The following NXPE3 variants were observed in gnomAD, a reference collection of about 807,000 sequenced individuals.
NXPE3 encodes the protein neurexophilin and PC-esterase domain family member 3.
In NXPE3, 26 loss-of-function variants were observed where a neutral mutation model predicts 46.1. The observed-to-expected ratio is 0.56, with a 90% CI of 0.41 to 0.78. The LOEUF (loss-of-function observed/expected upper bound fraction) is 0.78, where lower values mean the gene tolerates loss of function less well. Among genes scored for constraint, NXPE3 ranks in the 30% least tolerant of loss-of-function variants. The pLI, the probability that NXPE3 is intolerant of heterozygous loss-of-function variation, is 0.00. For missense variants in NXPE3, 620 were observed against 686.0 expected (o/e 0.90, Z 1.07); for synonymous variants, 272 against 257.9 (o/e 1.05, Z -0.52).
intron 4 of NXPE3, among the ~76,000 whole-genome samples, chr3:101,785,938 AAGT>A (rs1341555128): frequency 1.3e-5 from 2 of 152,212 alleles, no homozygotes; most frequent in Non-Finnish European, 1.5e-5. Flanking sequence ...CATGGAAGAA[AAGT>A]AGTAGTAATC....
intron 4 of NXPE3, among the ~76,000 whole-genome samples, chr3:101,794,609 T>C (rs1576742212): frequency 6.6e-6 from 1 of 152,186 alleles, no homozygotes; most frequent in East Asian, 1.9e-4. Context: ...ACTTACTGCA[T>C]TGGTTTTGTG....
intron 4 of NXPE3, among the ~76,000 whole-genome samples, chr3:101,792,504 G>A (rs886286961): frequency 2.0e-5 from 3 of 152,090 alleles, no homozygotes; most frequent in Admixed American, 1.3e-4. Context: ...TTCCAGCACC[G>A]TTTATTGAAT....
At chr3:101,795,934 G>A (rs752209018) in intron 4 of NXPE3, among the ~76,000 whole-genome samples, 1 of 152,158 alleles carries the variant, frequency 6.6e-6, no homozygotes, top group African/African-American at 2.4e-5. Context: ...TTGCTTTCTT[G>A]TACATGCCCA....
Position 101,785,651 on chromosome 3 carries a change from ATGG to A in NXPE3, c.64_66del (p.Val22del). ...TTTCTGCTGTCTGCTTGCAGTGTTG[ATGG>A]TGGTGGTGCTGGTCATCAATGTTAC... is the stretch of plus-strand genomic sequence containing the variant. On this transcript the variant is annotated inframe_deletion, in exon 4 of 8. Transcript: ENST00000273347. 6.2e-7 allele frequency: 1 copy of A among 1,613,876 alleles called. No individual in the cohort carries two copies. Among genetic ancestry groups the A allele is most frequent in the Non-Finnish European group, 8.5e-7 (1 of 1,179,940 alleles).
chr3:101,802,020 G>A, intron 5 of NXPE3, 31 bp downstream of exon 5: 1 of 1,555,688 alleles, frequency 6.4e-7, no homozygotes, highest in Non-Finnish European at 8.6e-7. Context: ...GGGATGATTT[G>A]AAGAGTTCTT....
chr3:101,805,431 CCTT>C (rs1049501352), intron 5 of NXPE3, among the ~76,000 whole-genome samples: 11 of 149,540 alleles, frequency 7.4e-5, no homozygotes, highest in Non-Finnish European at 1.6e-4. Flanking sequence ...TGTAGAATGT[CCTT>C]TTTTTTTTTT....
chr3:101,796,808 T>G (rs983633153), intron 4 of NXPE3, among the ~76,000 whole-genome samples: 1 of 152,200 alleles, frequency 6.6e-6, no homozygotes, highest in African/African-American at 2.4e-5. Flanking sequence ...AGAAGAGCAT[T>G]AAACATTCTT....
rs1406105276 is a variant in NXPE3 at position 101,822,493 on chromosome 3, A to G, written c.*539A>G. Reference sequence around the variant, plus strand: ...CTTGATGATCTACCTTTTCTGAATTACTTGAAAAGGCCAATGTGCTTGGTT... The same window carrying G: ...CTTGATGATCTACCTTTTCTGAATTGCTTGAAAAGGCCAATGTGCTTGGTT... On this transcript the variant is annotated 3_prime_UTR_variant, in exon 8 of 8. Coordinates refer to ENST00000273347, the MANE Select transcript of NXPE3 (RefSeq NM_145037.4). 1 of 152,460 alleles carries G rather than the reference A, an allele frequency of 6.6e-6. No homozygotes were observed. The highest frequency in any genetic ancestry group is 1.5e-5 in the Non-Finnish European group (1 of 68,230). The allele number at this position is 152,460 out of a possible 1,614,324, so 9.4% of individuals were successfully genotyped here.
intron 6 of NXPE3, among the ~76,000 whole-genome samples, chr3:101,812,842 A>AAT: frequency 7.2e-6 from 1 of 138,234 alleles, no homozygotes; most frequent in Non-Finnish European, 1.6e-5. Flanking sequence ...AAAAAAAAAA[A>AAT]GATATTTGGA....
At chr3:101,800,891 T>C (rs1292622154) in intron 4 of NXPE3, among the ~76,000 whole-genome samples, 1 of 152,204 alleles carries the variant, frequency 6.6e-6, no homozygotes, top group Non-Finnish European at 1.5e-5. Flanking sequence ...TTCTCCATCT[T>C]AGGTTGGACT....
In NXPE3 at chr3:101,821,670, G is replaced by A; in HGVS notation, c.1396G>A (p.Ala466Thr). The A allele has an allele frequency of 2.5e-6, 4 of 1,614,212 alleles. No homozygotes were observed. Among genetic ancestry groups the A allele is most frequent in the Non-Finnish European group, 3.4e-6 (4 of 1,180,040 alleles). ...YIRRLRNIRRAVVRLLDRSPK... is the reference protein window; with the variant it reads ...YIRRLRNIRRTVVRLLDRSPK... ...CCGGCGGCTCAGGAACATCCGTCGAGCAGTGGTTCGGCTCCTCGATCGAAG... is the reference window on the plus strand; with the variant it reads ...CCGGCGGCTCAGGAACATCCGTCGAACAGTGGTTCGGCTCCTCGATCGAAG... Residue 466 changes from alanine to threonine, a missense_variant, in exon 8 of 8, where the codon GCA becomes ACA. Ala to Thr is a moderately conservative substitution (Grantham distance 58, BLOSUM62 0). Around this residue, in one of 3 missense-constraint regions of NXPE3, gnomAD observed 75 missense variants for 121.1 expected, o/e 0.62. Transcript: ENST00000273347.
intron 5 of NXPE3, among the ~76,000 whole-genome samples, chr3:101,805,312 A>G (rs1051782522): frequency 2.0e-5 from 3 of 152,098 alleles, no homozygotes; most frequent in African/African-American, 7.2e-5. Flanking sequence ...TTTAATTTTA[A>G]CTAATCTAAT....
intron 6 of NXPE3, among the ~76,000 whole-genome samples, chr3:101,813,372 A>G (rs564536894): frequency 3.3e-5 from 5 of 152,198 alleles, no homozygotes; most frequent in African/African-American, 9.6e-5. Context: ...CCCCACCTCA[A>G]TTCACGTTGT....
Position 101,801,252 on chromosome 3 carries a change from T to A in NXPE3, c.111T>A (p.Thr37=). Residue 37 remains threonine, a synonymous_variant, in exon 5 of 8, where the codon ACT becomes ACA. Transcript: ENST00000273347. ...VTQVEYLDHE[T]VSATFIDSSG... Reference sequence around the variant, plus strand: ...TTCTTCAGTACTTGGACCATGAGACTGTTTCAGCCACTTTCATCGACAGCA... The same window carrying A: ...TTCTTCAGTACTTGGACCATGAGACAGTTTCAGCCACTTTCATCGACAGCA... 1 of 1,611,744 alleles carries A rather than the reference T, an allele frequency of 6.2e-7. No individual in the cohort carries two copies. Among genetic ancestry groups the A allele is most frequent in the Non-Finnish European group, 8.5e-7 (1 of 1,178,698 alleles).
chr3:101,809,170 A>G (rs1232544837), intron 6 of NXPE3, among the ~76,000 whole-genome samples: 1 of 152,118 alleles, frequency 6.6e-6, no homozygotes, highest in East Asian at 1.9e-4. Flanking sequence ...GAGGGAAGAT[A>G]GATTTGGTAA....
intron 6 of NXPE3, among the ~76,000 whole-genome samples, chr3:101,814,614 C>G (rs546959111): frequency 6.6e-6 from 1 of 152,078 alleles, no homozygotes; most frequent in Non-Finnish European, 1.5e-5. Context: ...AGGGGAGTCA[C>G]TTAAATTTAA....
At chr3:101,813,062 C>A (rs1171951845) in intron 6 of NXPE3, among the ~76,000 whole-genome samples, 1 of 152,124 alleles carries the variant, frequency 6.6e-6, no homozygotes, top group Non-Finnish European at 1.5e-5. Flanking sequence ...CTGGGCCCTT[C>A]TCATATTCCC....
intron 5 of NXPE3, among the ~76,000 whole-genome samples, chr3:101,806,706 C>G (rs1028121201): frequency 3.9e-5 from 6 of 152,142 alleles, no homozygotes; most frequent in African/African-American, 1.4e-4. Context: ...AGCCTGAAAA[C>G]TAAGTAATGA....
intron 4 of NXPE3, among the ~76,000 whole-genome samples, chr3:101,799,189 T>C (rs947498141): frequency 1.3e-5 from 2 of 151,896 alleles, no homozygotes; most frequent in Non-Finnish European, 2.9e-5. Context: ...GTTCTTCTGC[T>C]TCAGCCTCCC....
Sources: gnomAD v4.1 joint callset for allele counts (sites outside exome capture counted in the v4.1 genomes callset) on GRCh38, gnomAD v4.1.1 for gene constraint, gnomAD v4.1.1 regional missense constraint, MANE v1.5 for transcripts, NCBI Gene and HGNC (gene_info 2026-07-23, HGNC 2026-07-21) for gene names.